Variants in GPHN observed in about 807,000 individuals in gnomAD.
The protein encoded by GPHN is gephyrin.
GPHN carries 17 observed loss-of-function variants against 95.5 expected under a neutral mutation model. The ratio of observed to expected loss-of-function variants is 0.18; its 90% CI spans 0.12 to 0.27. The LOEUF is 0.27. GPHN is among the 10% of genes least tolerant of loss of function. GPHN has a pLI of 1.00. For missense variants in GPHN, 660 were observed against 978.1 expected (o/e 0.67, Z 4.34); for synonymous variants, 320 against 322.5 (o/e 0.99, Z 0.08).
intron 10 of GPHN, among the ~76,000 whole-genome samples, chr14:67,041,750 G>T (rs1263042784): frequency 1.3e-5 from 2 of 152,154 alleles, no homozygotes; most frequent in African/African-American, 4.8e-5. Flanking sequence ...GGATTGCTGG[G>T]TCAAATGGTA....
At chr14:67,389,728 G>C in the GPHN span, among the ~76,000 whole-genome samples, 1 of 151,658 alleles carries the variant, frequency 6.6e-6, no homozygotes, top group Non-Finnish European at 1.5e-5. Flanking sequence ...AAGTAGGTTA[G>C]GCTAGACCAT....
chr14:67,190,601 G>C, the GPHN span, among the ~76,000 whole-genome samples: 2 of 152,132 alleles, frequency 1.3e-5, no homozygotes, highest in Non-Finnish European at 2.9e-5. Context: ...ACTGAGAATT[G>C]AGTAAATTTT....
the GPHN span, chr14:67,321,272 C>T: frequency 6.2e-7 from 1 of 1,613,366 alleles, no homozygotes; most frequent in Non-Finnish European, 8.5e-7. Context: ...AAAGCTAGAA[C>T]TTTGTTTTAG....
the GPHN span, among the ~76,000 whole-genome samples, chr14:67,713,022 G>A: frequency 6.6e-6 from 1 of 151,538 alleles, no homozygotes; most frequent in African/African-American, 2.4e-5. Context: ...TGATCAAGTT[G>A]GATAGAATTG....
chr14:67,118,329 G>T (rs1001094684), intron 16 of GPHN, among the ~76,000 whole-genome samples: 1 of 152,148 alleles, frequency 6.6e-6, no homozygotes, highest in African/African-American at 2.4e-5. Context: ...CAATTTGTGG[G>T]AAGGCAAATA....
chr14:67,245,691 C>T, the GPHN span, among the ~76,000 whole-genome samples: 4 of 152,010 alleles, frequency 2.6e-5, no homozygotes, highest in South Asian at 2.1e-4. Flanking sequence ...AAGTGATTTA[C>T]GAAGGTTTTC....
At chr14:67,292,383 T>TATA in the GPHN span, 1 of 615,864 alleles carries the variant, frequency 1.6e-6, no homozygotes, top group Non-Finnish European at 2.9e-6. Flanking sequence ...TTGACAATAA[T>TATA]ATATGCAGAT....
At chr14:67,692,575 G>A in the GPHN span, 3 of 1,595,446 alleles carry the variant, frequency 1.9e-6, no homozygotes, top group Non-Finnish European at 2.6e-6. Context: ...ATCCCGGCAA[G>A]CTAAATATAC....
the GPHN span, among the ~76,000 whole-genome samples, chr14:67,212,432 A>G: frequency 6.6e-6 from 1 of 151,550 alleles, no homozygotes; most frequent in African/African-American, 2.4e-5. Flanking sequence ...TACAAAAAAA[A>G]TACAAAAATT....
At chr14:67,475,186 A>G in the GPHN span, among the ~76,000 whole-genome samples, 1 of 152,202 alleles carries the variant, frequency 6.6e-6, no homozygotes. Flanking sequence ...AAGTGCTAGG[A>G]TTACAGGCGT....
the GPHN span, chr14:67,651,016 C>T: frequency 7.9e-7 from 1 of 1,262,294 alleles, no homozygotes; most frequent in South Asian, 1.3e-5. Context: ...TGGGTCAATA[C>T]TGCCTTAATG....
chr14:67,456,531 G>A, the GPHN span, among the ~76,000 whole-genome samples: 1 of 151,910 alleles, frequency 6.6e-6, no homozygotes, highest in African/African-American at 2.4e-5. Flanking sequence ...GAACCTGGGA[G>A]GAGGAGTTTG....
intron 13 of GPHN, among the ~76,000 whole-genome samples, chr14:67,104,184 T>C (rs1219006430): frequency 6.6e-6 from 1 of 152,236 alleles, no homozygotes; most frequent in Non-Finnish European, 1.5e-5. Context: ...GATGGGCATA[T>C]GTTGAGCCAC....
At chr14:67,417,319 G>A in the GPHN span, among the ~76,000 whole-genome samples, 6 of 152,150 alleles carry the variant, frequency 3.9e-5, no homozygotes, top group East Asian at 1.2e-3. Flanking sequence ...TATGTAGTGC[G>A]GTGCCTGGGA....
chr14:67,679,903 T>C, the GPHN span, among the ~76,000 whole-genome samples: 6 of 152,162 alleles, frequency 3.9e-5, no homozygotes, highest in African/African-American at 1.4e-4. Context: ...TTCAAGAAAA[T>C]TGCTTCCTCA....
At chr14:66,907,225 A>G (rs1178636358) in intron 5 of GPHN, among the ~76,000 whole-genome samples, 1 of 152,208 alleles carries the variant, frequency 6.6e-6, no homozygotes, top group Non-Finnish European at 1.5e-5. Flanking sequence ...CTGCATCCAT[A>G]CAATGGACTC....
At chr14:67,002,068 A>G (rs2072269129) in intron 9 of GPHN, among the ~76,000 whole-genome samples, 1 of 151,632 alleles carries the variant, frequency 6.6e-6, no homozygotes, top group South Asian at 2.1e-4. Flanking sequence ...AAGCCACAGA[A>G]CACAGGAAGT....
At chr14:66,897,063 GA>G (rs1484407530) in intron 5 of GPHN, among the ~76,000 whole-genome samples, 1 of 152,080 alleles carries the variant, frequency 6.6e-6, no homozygotes, top group Non-Finnish European at 1.5e-5. Context: ...AAACTTTTAA[GA>G]TGGTAATATA....
At chr14:67,724,450 G>T in the GPHN span, 1 of 1,459,546 alleles carries the variant, frequency 6.9e-7, no homozygotes, top group Non-Finnish European at 9.5e-7. Flanking sequence ...GGTACGTGAT[G>T]CTCTTGTTTC....
Sources: gnomAD v4.1 joint callset for allele counts (sites outside exome capture counted in the v4.1 genomes callset) on GRCh38, gnomAD v4.1.1 for gene constraint, MANE v1.5 for transcripts, NCBI Gene and HGNC (gene_info 2026-07-23, HGNC 2026-07-21) for gene names.